SAE1: variants seen among roughly 807,000 people sequenced by gnomAD.
The protein encoded by SAE1 is SUMO-activating enzyme subunit 1.
In SAE1, 11 loss-of-function variants were observed where a neutral mutation model predicts 40.6. That is an observed-to-expected ratio of 0.27 (90% CI 0.17 to 0.45). The LOEUF is 0.45. SAE1 is among the 20% of genes least tolerant of loss of function. The pLI is 1.00. For synonymous variants in SAE1, 155 were observed against 154.3 expected, an observed-to-expected ratio of 1.00 and a Z score of -0.03; for missense variants, 373 against 427.3, an observed-to-expected ratio of 0.87 and a Z score of 1.12.
At chr19:47,133,517 G>A (rs1006184684) in intron 1 of SAE1, among the ~76,000 whole-genome samples, 3 of 152,148 alleles carry the variant, frequency 2.0e-5, no homozygotes, top group South Asian at 2.1e-4. Context: ...GAGCCACTGC[G>A]GCCTGGCCTG....
intron 8 of SAE1, among the ~76,000 whole-genome samples, chr19:47,208,814 C>T (rs2058698661): frequency 6.6e-6 from 1 of 152,244 alleles, no homozygotes; most frequent in Admixed American, 6.5e-5. Context: ...ACCTCAGCCT[C>T]CCAAAGTGCT....
intron 6 of SAE1, among the ~76,000 whole-genome samples, chr19:47,193,258 G>C (rs535962448): frequency 2.0e-5 from 3 of 150,876 alleles, no homozygotes; most frequent in South Asian, 4.2e-4. Context: ...ATGGGGTTTC[G>C]CTGTGTTGGC....
At chr19:47,182,176 C>A (rs1400381849) in intron 6 of SAE1, among the ~76,000 whole-genome samples, 1 of 152,066 alleles carries the variant, frequency 6.6e-6, no homozygotes, top group Non-Finnish European at 1.5e-5. Context: ...TTTTAAATGA[C>A]GTTGTCTTTG....
In SAE1 at chr19:47,138,623, T is replaced by C. The variant is rs1240860753; in HGVS notation, c.99-4871T>C. Among the ~76,000 whole-genome samples the C allele has an allele frequency of 2.0e-5, 3 of 152,224 alleles. No homozygotes were observed. In the East Asian group the frequency reaches 5.8e-4, roughly 29 times the overall value. On this transcript the variant is annotated intron_variant, in intron 1 of 8. Transcript: ENST00000270225. ...ATGTCCTAAATGCCAAGGAAGTTAC[T>C]GGTTCTAGTGATACAGTGGTTTCTG...
chr19:47,194,713 T>G (rs1213687427), intron 6 of SAE1, among the ~76,000 whole-genome samples: 1 of 150,270 alleles, frequency 6.7e-6, no homozygotes, highest in African/African-American at 2.4e-5. Context: ...CAAGGTGTAG[T>G]GGGCAGTTAG....
At chr19:47,177,375 C>A (rs879130763) in intron 6 of SAE1, among the ~76,000 whole-genome samples, 27 of 152,106 alleles carry the variant, frequency 1.8e-4, no homozygotes, top group African/African-American at 5.8e-4. Flanking sequence ...TTTTTCCCCC[C>A]CAAAACAGGG....
In SAE1 at chr19:47,209,522, C is replaced by T; in HGVS notation, c.*271C>T. The stretch of plus-strand genomic sequence containing the variant: ...TGCCAGCTCCCCTGAGTGATGAGCA[C>T]TTCCAAGCACCCCTCTGCCCTTTCT... On this transcript the variant is annotated 3_prime_UTR_variant, in exon 9 of 9. Coordinates refer to ENST00000270225, the MANE Select transcript of SAE1 (RefSeq NM_005500.3). The T allele has an allele frequency of 1.8e-6, 1 of 564,822 alleles. No individual in the cohort carries two copies. The highest frequency in any genetic ancestry group is 3.1e-6 in the Non-Finnish European group (1 of 319,140). The allele number at this position is 564,822 out of a possible 1,614,324, so 35.0% of individuals were successfully genotyped here. A position where few individuals can be genotyped will look rare whatever the true frequency, so the allele number is the denominator to read the frequency against.
chr19:47,155,382 G>A (rs901172314), intron 5 of SAE1, among the ~76,000 whole-genome samples, 169 bp downstream of exon 5: 3 of 152,156 alleles, frequency 2.0e-5, no homozygotes, highest in Admixed American at 1.3e-4. Context: ...TTGCTGTGAG[G>A]GAATGTGGGC....
intron 2 of SAE1, 105 bp from the exon 3 acceptor site, chr19:47,150,097 T>G: frequency 1.4e-6 from 1 of 712,076 alleles, no homozygotes; most frequent in Non-Finnish European, 2.1e-6. Context: ...AAAAAAAAAT[T>G]TAGGTGGTAG....
At position 47,209,368 on chromosome 19, in the gene SAE1, C is replaced by CA. The variant is rs1568614188; in HGVS notation, c.*121dup. ...GAAAACTGAAGTCATTGGCCCGATA[C>CA]AAAACATTTCCTGCAACGAAGGAGG... On this transcript the variant is annotated 3_prime_UTR_variant, in exon 9 of 9. Transcript: ENST00000270225. 6.5e-7 allele frequency: 1 copy of CA among 1,549,020 alleles called. No homozygotes were observed. Among genetic ancestry groups the CA allele is most frequent in the Non-Finnish European group, 8.8e-7 (1 of 1,137,784 alleles).
intron 6 of SAE1, among the ~76,000 whole-genome samples, chr19:47,195,014 A>ATTACAGACG (rs1227141404): frequency 6.8e-6 from 1 of 146,574 alleles, no homozygotes; most frequent in East Asian, 2.0e-4. Flanking sequence ...AAGTGCTGGG[A>ATTACAGACG]TTACAGACGT....
intron 6 of SAE1, among the ~76,000 whole-genome samples, chr19:47,177,741 T>C (rs2058478902): frequency 6.6e-6 from 1 of 152,182 alleles, no homozygotes; most frequent in Non-Finnish European, 1.5e-5. Context: ...CTTAGGAAAC[T>C]GAAGGTCTGA....
chr19:47,203,942 C>T (rs1200110491), intron 8 of SAE1, among the ~76,000 whole-genome samples: 1 of 152,164 alleles, frequency 6.6e-6, no homozygotes, highest in African/African-American at 2.4e-5. Flanking sequence ...AGTGCCTGCT[C>T]TGTGCTTAGC....
At chr19:47,199,857 G>A (rs903857605) in intron 7 of SAE1, among the ~76,000 whole-genome samples, 1 of 151,982 alleles carries the variant, frequency 6.6e-6, no homozygotes, top group African/African-American at 2.4e-5. Context: ...AGCCTGTACA[G>A]TGTCATCAGC....
intron 8 of SAE1, among the ~76,000 whole-genome samples, chr19:47,207,115 T>A (rs1190604246): frequency 6.6e-6 from 1 of 152,112 alleles, no homozygotes; most frequent in Admixed American, 6.6e-5. Flanking sequence ...AGACCTCATC[T>A]CTACAAAAGT....
chr19:47,138,477 G>C (rs948372866), intron 1 of SAE1, among the ~76,000 whole-genome samples: 1 of 152,158 alleles, frequency 6.6e-6, no homozygotes, highest in Admixed American at 6.6e-5. Context: ...TTGGCACATA[G>C]TAAGTGTTAG....
intron 5 of SAE1, among the ~76,000 whole-genome samples, chr19:47,161,792 T>C (rs552953699): frequency 5.6e-4 from 86 of 152,310 alleles, no homozygotes; most frequent in Non-Finnish European, 1.1e-3. Context: ...TTACTACTTA[T>C]GTATGTATTT....
rs182419109 is a variant in SAE1 at position 47,179,952 on chromosome 19, G to C, written c.733+10029G>C. ...CAGATAGGTAAGTATAGTGTTAATA[G>C]TGAGAATCAAGTTTTCTTATTGTCA... On this transcript the variant is annotated intron_variant, in intron 6 of 8. Transcript: ENST00000270225. Among the ~76,000 whole-genome samples, 5 of 152,260 alleles carry C rather than the reference G, an allele frequency of 3.3e-5. No individual in the cohort carries two copies. The South Asian group carries it at 1.0e-3, about 32-fold the overall frequency.
In SAE1 at chr19:47,200,234, C is replaced by CT. The variant is rs776221582; in HGVS notation, c.878+2874dup. 4.9e-3 allele frequency among the ~76,000 whole-genome samples: 670 copies of CT among 135,732 alleles called. 12 individuals are homozygous for CT. Among genetic ancestry groups the CT allele is most frequent in the Admixed American group, 0.017 (231 of 13,356 alleles). The allele number at this position is 135,732 out of a possible 152,430, so 89.0% of individuals were successfully genotyped here. On this transcript the variant is annotated intron_variant, in intron 7 of 8. Coordinates refer to ENST00000270225, the MANE Select transcript of SAE1 (RefSeq NM_005500.3). ...AAGTGTGAGCCACCACGCCCAGCCT[C>CT]TTTTTTTTTTTTTTTTTAAGATAGG...
Sources: gnomAD v4.1 joint callset for allele counts (sites outside exome capture counted in the v4.1 genomes callset) on GRCh38, gnomAD v4.1.1 for gene constraint, MANE v1.5 for transcripts, NCBI Gene and HGNC (gene_info 2026-07-23, HGNC 2026-07-21) for gene names.